The following C8orf34 variants were observed in gnomAD, a reference collection of about 807,000 sequenced individuals.
C8orf34 encodes uncharacterized protein C8orf34.
C8orf34 carries 65 observed loss-of-function variants against 68.3 expected under a neutral mutation model. The ratio of observed to expected loss-of-function variants is 0.95; its 90% CI spans 0.78 to 1.17. C8orf34 has a LOEUF of 1.17. Among genes scored for constraint, C8orf34 ranks in the 50% most tolerant of loss-of-function variants. The probability of loss-of-function intolerance (pLI) is 0.00; values close to 1 mark genes in which losing one functional copy is unlikely to be tolerated. For missense variants in C8orf34, 664 were observed against 655.4 expected (o/e 1.01, Z -0.14); for synonymous variants, 244 against 241.2 (o/e 1.01, Z -0.11).
intron 10 of C8orf34, among the ~76,000 whole-genome samples, chr8:68,742,092 G>A (rs751720810): frequency 2.0e-5 from 3 of 152,034 alleles, no homozygotes; most frequent in East Asian, 1.9e-4. Flanking sequence ...GAACTCCAGC[G>A]TGTCAGTGGT....
chr8:68,520,147 G>T (rs1814689263), intron 5 of C8orf34, among the ~76,000 whole-genome samples: 1 of 152,108 alleles, frequency 6.6e-6, no homozygotes, highest in Admixed American at 6.6e-5. Flanking sequence ...AAAGAGTTCA[G>T]ATTACTTGCT....
chr8:68,591,325 A>G (rs576618861), intron 7 of C8orf34, among the ~76,000 whole-genome samples: 2 of 152,172 alleles, frequency 1.3e-5, no homozygotes, highest in Non-Finnish European at 2.9e-5. Flanking sequence ...TTTTCTTTGC[A>G]TATTTGGGCA....
chr8:68,524,329 C>T (rs1419069208), intron 6 of C8orf34, among the ~76,000 whole-genome samples: 1 of 151,990 alleles, frequency 6.6e-6, no homozygotes, highest in African/African-American at 2.4e-5. Context: ...CCCTAGGTCC[C>T]CCAAATATGA....
At chr8:68,779,772 G>A (rs1823623173) in intron 11 of C8orf34, among the ~76,000 whole-genome samples, 3 of 151,452 alleles carry the variant, frequency 2.0e-5, no homozygotes. Flanking sequence ...CATTCACGAA[G>A]GTTTACTTTC....
intron 7 of C8orf34, among the ~76,000 whole-genome samples, chr8:68,547,388 C>T (rs1225281515): frequency 6.6e-6 from 1 of 151,638 alleles, no homozygotes; most frequent in Non-Finnish European, 1.5e-5. Flanking sequence ...AATTTGTAAG[C>T]AAAATGCTTC....
chr8:68,754,850 T>C (rs1045850974), intron 10 of C8orf34, among the ~76,000 whole-genome samples: 1 of 152,240 alleles, frequency 6.6e-6, no homozygotes, highest in African/African-American at 2.4e-5. Context: ...TCAGGGCAAC[T>C]GTACTATATA....
chr8:68,395,367 A>T (rs756756570), intron 1 of C8orf34, among the ~76,000 whole-genome samples: 6,985 of 28,930 alleles, frequency 0.24, 202 homozygotes, highest in Middle Eastern at 0.37. Flanking sequence ...TCTCTCACAC[A>T]CACACACACA....
At chr8:68,443,870 G>A (rs1282969559) in intron 2 of C8orf34, among the ~76,000 whole-genome samples, 1 of 152,098 alleles carries the variant, frequency 6.6e-6, no homozygotes, top group East Asian at 1.9e-4. Context: ...TATTGTGGAG[G>A]AGAATCTTGA....
At chr8:68,332,868 A>T (rs1397797293) in intron 1 of C8orf34, among the ~76,000 whole-genome samples, 1 of 152,228 alleles carries the variant, frequency 6.6e-6, no homozygotes, top group East Asian at 1.9e-4. Context: ...TGGAACTACC[A>T]GATTTCTTTT....
chr8:68,758,118 G>A (rs1051104872), intron 10 of C8orf34, among the ~76,000 whole-genome samples: 2 of 152,278 alleles, frequency 1.3e-5, no homozygotes, highest in South Asian at 2.1e-4. Context: ...ATGAGACTCC[G>A]CCTTTGTCCA....
At chr8:68,378,052 C>G (rs1807878899) in intron 1 of C8orf34, among the ~76,000 whole-genome samples, 1 of 152,140 alleles carries the variant, frequency 6.6e-6, no homozygotes, top group Non-Finnish European at 1.5e-5. Context: ...CCACCCTCGA[C>G]ATGGGGGGAT....
chr8:68,390,118 G>A (rs1251537507), intron 1 of C8orf34, among the ~76,000 whole-genome samples: 1 of 152,046 alleles, frequency 6.6e-6, no homozygotes, highest in Admixed American at 6.6e-5. Context: ...GTATCTTTTG[G>A]TGTGGGATGT....
intron 10 of C8orf34, among the ~76,000 whole-genome samples, chr8:68,734,727 C>T (rs1227198024): frequency 7.9e-5 from 12 of 152,136 alleles, no homozygotes; most frequent in East Asian, 5.8e-4. Context: ...TGGGTTAAGG[C>T]GGTCACACTC....
chr8:68,692,075 T>C (rs1820700859), intron 8 of C8orf34, among the ~76,000 whole-genome samples: 1 of 151,868 alleles, frequency 6.6e-6, no homozygotes, highest in Non-Finnish European at 1.5e-5. Context: ...ATGTTTGCAA[T>C]ATGAGAAAGC....
rs141878744 is a variant in C8orf34 at position 68,340,578 on chromosome 8, A to T, written c.327+9239A>T. The stretch of plus-strand genomic sequence containing the variant: ...ACTCTATGCACATAATTGACAACTT[A>T]ATTGAAATAGACAAAGTCTTTGAAA... On this transcript the variant is annotated intron_variant, in intron 1 of 13. Transcript: ENST00000518698. 1.2e-3 allele frequency among the ~76,000 whole-genome samples: 188 copies of T among 152,310 alleles called. 2 individuals carry two copies. Among genetic ancestry groups the T allele is most frequent in the African/African-American group, 4.4e-3 (185 of 41,588 alleles).
intron 3 of C8orf34, among the ~76,000 whole-genome samples, chr8:68,466,823 T>C (rs1156391386): frequency 1.3e-5 from 2 of 149,122 alleles, no homozygotes; most frequent in Non-Finnish European, 3.0e-5. Context: ...GGTCACAGGG[T>C]CGGTGCATTT....
rs535790759 is a variant in C8orf34, at chr8:68,580,215, C to T, written c.1105+47066C>T. Among the ~76,000 whole-genome samples, 14 of 151,772 alleles carry T rather than the reference C, an allele frequency of 9.2e-5. No individual in the cohort carries two copies. In the South Asian group the frequency reaches 2.5e-3, roughly 27 times the overall value. On this transcript the variant is annotated intron_variant, in intron 7 of 13. Coordinates refer to ENST00000518698, the MANE Select transcript of C8orf34 (RefSeq NM_052958.4). ...GCATTTCTCTTCTTAAATAGAGGAA[C>T]AGAATGTCAGAGCTTTAAGGGGTAT...
chr8:68,405,565 G>A (rs1809157034), intron 1 of C8orf34, among the ~76,000 whole-genome samples: 1 of 152,064 alleles, frequency 6.6e-6, no homozygotes, highest in African/African-American at 2.4e-5. Context: ...TTTTGTCCAG[G>A]GAGTATCCAC....
chr8:68,807,400 T>G (rs990115984), intron 12 of C8orf34, among the ~76,000 whole-genome samples: 7 of 152,248 alleles, frequency 4.6e-5, no homozygotes, highest in Non-Finnish European at 7.3e-5. Context: ...TCTGAATAAA[T>G]GTAGTGTGTT....
Sources: gnomAD v4.1 joint callset for allele counts (sites outside exome capture counted in the v4.1 genomes callset) on GRCh38, gnomAD v4.1.1 for gene constraint, MANE v1.5 for transcripts, NCBI Gene and HGNC (gene_info 2026-07-23, HGNC 2026-07-21) for gene names.